The following ZDHHC11 variants were observed in gnomAD, a reference collection of about 807,000 sequenced individuals.
ZDHHC11 encodes the protein palmitoyltransferase ZDHHC11.
A neutral mutation model predicts 51.3 loss-of-function variants in ZDHHC11; 44 were observed. The observed-to-expected ratio is 0.86, with a 90% CI of 0.67 to 1.10. The LOEUF (loss-of-function observed/expected upper bound fraction) is 1.10. ZDHHC11 is among the 50% of genes least tolerant of loss of function. ZDHHC11 has a pLI of 0.00. For missense variants in ZDHHC11, 400 were observed against 537.7 expected (o/e 0.74, Z 2.53); for synonymous variants, 163 against 222.0 (o/e 0.73, Z 2.36).
intron 4 of ZDHHC11, among the ~76,000 whole-genome samples, chr5:843,143 C>A (rs1379838757): frequency 4.6e-5 from 7 of 152,292 alleles, no homozygotes; most frequent in African/African-American, 1.7e-4. Context: ...AGGCTCCGGG[C>A]CCACTTGGCC....
At chr5:853,426 C>T (rs1354710666), upstream of ZDHHC11, among the ~76,000 whole-genome samples, 1 of 150,346 alleles carries the variant, frequency 6.7e-6, no homozygotes, top group Admixed American at 6.6e-5. Context: ...GGGGACAGAC[C>T]CCACAGAGGA....
intron 9 of ZDHHC11, among the ~76,000 whole-genome samples, chr5:820,480 G>A (rs1347299881): frequency 1.3e-5 from 2 of 151,472 alleles, no homozygotes; most frequent in African/African-American, 2.4e-5. Flanking sequence ...AGTAAGGGAT[G>A]GTGACATTTC....
chr5:824,047 A>G, intron 8 of ZDHHC11: 1 of 454,766 alleles, frequency 2.2e-6, no homozygotes, highest in Non-Finnish European at 4.4e-6. Context: ...TTTCCAAGTC[A>G]CAGGAGCCTG....
In ZDHHC11 at chr5:850,720, C is replaced by T; in HGVS notation, c.-118G>A. 7.7e-7 allele frequency: 1 copy of T among 1,294,306 alleles called. No individual in the cohort carries two copies. Among genetic ancestry groups the T allele is most frequent in the Non-Finnish European group, 1.1e-6 (1 of 936,018 alleles). The allele number at this position is 1,294,306 out of a possible 1,614,324, so 80.2% of individuals were successfully genotyped here. Reference sequence around the variant, plus strand: ...AGCCGCCAGGACCAGCACTGACAGCCAATGGCCCAGCACTGCCTGGGGCCA... The same window carrying T: ...AGCCGCCAGGACCAGCACTGACAGCTAATGGCCCAGCACTGCCTGGGGCCA... On this transcript the variant is annotated 5_prime_UTR_variant, in exon 1 of 13. It introduces an in-frame stop codon into an upstream open reading frame of the 5' UTR. Transcript: ENST00000283441.
At chr5:825,581 T>C (rs1222011177) in intron 7 of ZDHHC11, among the ~76,000 whole-genome samples, 1 of 152,214 alleles carries the variant, frequency 6.6e-6, no homozygotes, top group Non-Finnish European at 1.5e-5. Context: ...ACAGGTCTGA[T>C]ATGCAGCTCC....
chr5:848,709 G>A (rs781743690), intron 1 of ZDHHC11, 49 bp from the exon 2 acceptor site: 47 of 1,611,094 alleles, frequency 2.9e-5, no homozygotes, highest in South Asian at 1.3e-4. Flanking sequence ...AGCCTGGCAC[G>A]AGGCGTCCCC....
At chr5:833,874 A>G in intron 6 of ZDHHC11, 67 bp from the exon 7 acceptor site, 5 of 1,575,206 alleles carry the variant, frequency 3.2e-6, no homozygotes, top group Non-Finnish European at 4.4e-6. Flanking sequence ...ATTCTTACAT[A>G]AAAGTGACGT....
At chr5:846,664 C>T (rs1455617002) in intron 3 of ZDHHC11, among the ~76,000 whole-genome samples, 5 of 147,264 alleles carry the variant, frequency 3.4e-5, no homozygotes, top group Admixed American at 1.3e-4. Context: ...AAATACCTCT[C>T]GCCTGTGAGC....
At chr5:827,832 A>G (rs640078) in intron 7 of ZDHHC11, among the ~76,000 whole-genome samples, 21,380 of 149,284 alleles carry the variant, frequency 0.14, 972 homozygotes, top group African/African-American at 0.23. Context: ...GGGAAGGTCA[A>G]CAGAAAAACA....
At position 848,550 on chromosome 5, in the gene ZDHHC11, G is replaced by T; in HGVS notation, c.333C>A (p.Pro111=). ...GTGCATGTTTTGATCTGTCGAAGAGGGGCATGGGCTGAGAATAGTTCTTCA... is the reference window on the plus strand; with the variant it reads ...GTGCATGTTTTGATCTGTCGAAGAGTGGCATGGGCTGAGAATAGTTCTTCA... ...RLMKNYSQPM[P]LFDRSKHAHV... Residue 111 remains proline (P), a synonymous_variant, in exon 2 of 13, where the codon CCC becomes CCA. Coordinates refer to ENST00000283441, the MANE Select transcript of ZDHHC11 (RefSeq NM_024786.3). 6.4e-7 allele frequency: 1 copy of T among 1,553,608 alleles called. No homozygotes were observed. Among genetic ancestry groups the T allele is most frequent in the Admixed American group, 1.9e-5 (1 of 53,346 alleles).
intron 7 of ZDHHC11, among the ~76,000 whole-genome samples, 192 bp downstream of exon 7, chr5:833,581 A>G (rs1230842211): frequency 6.6e-6 from 1 of 151,364 alleles, no homozygotes. Flanking sequence ...CAAGTAAGAC[A>G]AGCACATCGA....
At chr5:807,235 A>T (rs1651310) in intron 11 of ZDHHC11, among the ~76,000 whole-genome samples, 1 of 132,922 alleles carries the variant, frequency 7.5e-6, no homozygotes, top group Non-Finnish European at 1.7e-5. Context: ...TACTACATAC[A>T]CACAATGCCC....
rs1427681846 is a variant in ZDHHC11 at position 802,096 on chromosome 5, C to G, written c.1182-932G>C. On this transcript the variant is annotated intron_variant, in intron 11 of 12. Coordinates refer to ENST00000283441, the MANE Select transcript of ZDHHC11 (RefSeq NM_024786.3). ...TGGAAGAGACCCCCAGGAATTGCCA[C>G]AGAGGAGCAGTGGATGCTCAGCTGG... Among the ~76,000 whole-genome samples, 2 of 151,312 alleles carry G rather than the reference C, an allele frequency of 1.3e-5. 1 individual carries two copies. The highest frequency in any genetic ancestry group is 3.0e-5 in the Non-Finnish European group (2 of 67,730).
chr5:836,440 G>C (rs1257625157), intron 6 of ZDHHC11, among the ~76,000 whole-genome samples: 1 of 150,434 alleles, frequency 6.6e-6, no homozygotes, highest in Non-Finnish European at 1.5e-5. Flanking sequence ...ATCTCTGCCT[G>C]TGTTTCCTGA....
intron 1 of ZDHHC11, 59 bp from the exon 2 acceptor site, chr5:848,719 C>G (rs912031894): frequency 1.2e-6 from 2 of 1,603,152 alleles, no homozygotes; most frequent in African/African-American, 1.3e-5. Context: ...GAGGCGTCCC[C>G]GTGAGGCCCA....
At chr5:844,295 A>G (rs1401274498) in intron 3 of ZDHHC11, among the ~76,000 whole-genome samples, 1 of 152,298 alleles carries the variant, frequency 6.6e-6, no homozygotes, top group African/African-American at 2.4e-5. Flanking sequence ...CGCTTCTTGC[A>G]AACGTGATTG....
chr5:837,627 G>C, intron 5 of ZDHHC11, 147 bp from the exon 6 acceptor site: 2 of 865,562 alleles, frequency 2.3e-6, no homozygotes, highest in South Asian at 1.5e-5. Flanking sequence ...GGCCCTGTGA[G>C]GTCAGGATGA....
chr5:817,334 A>G (rs1561247125), intron 10 of ZDHHC11, among the ~76,000 whole-genome samples: 2 of 151,604 alleles, frequency 1.3e-5, no homozygotes, highest in African/African-American at 2.4e-5. Flanking sequence ...TCAATTTTAA[A>G]AAATTATTAA....
rs2150262969 is a variant in ZDHHC11, at chr5:796,380, A to C, written c.*208T>G. ...CTCTTCTTTGGGTGTGATGAAGATG[A>C]TGACAGAGATGGATGCTGGGCTCTG... is the stretch of plus-strand genomic sequence containing the variant. On this transcript the variant is annotated 3_prime_UTR_variant, in exon 13 of 13. Coordinates refer to ENST00000283441, the MANE Select transcript of ZDHHC11 (RefSeq NM_024786.3). 1.3e-5 allele frequency: 2 copies of C among 151,818 alleles called. 1 individual carries two copies. The highest frequency in any genetic ancestry group is 3.0e-5 in the Non-Finnish European group (2 of 67,410). 9.4% of individuals were successfully genotyped at this position (151,818 alleles called of 1,614,324 possible).
Sources: gnomAD v4.1 joint callset for allele counts (sites outside exome capture counted in the v4.1 genomes callset) on GRCh38, gnomAD v4.1.1 for gene constraint, MANE v1.5 for transcripts, NCBI Gene and HGNC (gene_info 2026-07-23, HGNC 2026-07-21) for gene names.